Variants in WNT7B observed in about 807,000 individuals in gnomAD.
WNT7B encodes Wnt family member 7B.
Under a neutral mutation model 38.2 loss-of-function variants are expected in WNT7B, and 19 were observed. That is an observed-to-expected ratio of 0.50 (90% confidence interval 0.35 to 0.73). The LOEUF (loss-of-function observed/expected upper bound fraction) is 0.73, where lower values mean the gene tolerates loss of function less well. Ranked by LOEUF, WNT7B falls within the 30% of genes least tolerant of loss-of-function variation. WNT7B has a pLI of 0.01. For synonymous variants in WNT7B, 243 were observed against 209.3 expected (o/e 1.16, Z -1.39); for missense variants, 423 against 507.9 (o/e 0.83, Z 1.61).
At chr22:45,948,148 G>A (rs931235452) in intron 2 of WNT7B, among the ~76,000 whole-genome samples, 7 of 152,200 alleles carry the variant, frequency 4.6e-5, no homozygotes, top group African/African-American at 1.2e-4. Context: ...ACAACTCCCC[G>A]GGGGCTCGGC....
chr22:45,929,540 C>A (rs577250284), intron 3 of WNT7B, among the ~76,000 whole-genome samples: 2 of 145,470 alleles, frequency 1.4e-5, no homozygotes, highest in South Asian at 4.5e-4. Flanking sequence ...ACCCACTCAT[C>A]CTTCCAACCA....
At chr22:45,931,695 G>A (rs1931366344) in intron 2 of WNT7B, among the ~76,000 whole-genome samples, 1 of 152,204 alleles carries the variant, frequency 6.6e-6, no homozygotes, top group African/African-American at 2.4e-5. Flanking sequence ...CCAAGACTGG[G>A]CAGGAGAGGC....
intron 1 of WNT7B, among the ~76,000 whole-genome samples, chr22:45,954,108 G>A (rs1472245733): frequency 1.3e-5 from 2 of 152,252 alleles, no homozygotes; most frequent in South Asian, 2.1e-4. Context: ...GTCATGCCAC[G>A]GCATGGAGGA....
chr22:45,941,877 G>C (rs1254471129), intron 2 of WNT7B, among the ~76,000 whole-genome samples: 1 of 152,194 alleles, frequency 6.6e-6, no homozygotes, highest in Non-Finnish European at 1.5e-5. Context: ...CTTTAGCAGG[G>C]GAGCTTTTGT....
At chr22:45,927,675 C>A in intron 3 of WNT7B, 1 of 715,414 alleles carries the variant, frequency 1.4e-6, no homozygotes, top group South Asian at 1.5e-5. Flanking sequence ...GCGGGCAGAT[C>A]ACCTGAGGTT....
At chr22:45,934,268 C>T (rs1466740195) in intron 2 of WNT7B, among the ~76,000 whole-genome samples, 2 of 152,134 alleles carry the variant, frequency 1.3e-5, no homozygotes, top group Non-Finnish European at 2.9e-5. Context: ...AGCTTGGCCT[C>T]TCTGAGGCTA....
At chr22:45,930,580 C>A (rs143460224) in intron 3 of WNT7B, among the ~76,000 whole-genome samples, 3 of 152,350 alleles carry the variant, frequency 2.0e-5, no homozygotes, top group African/African-American at 7.2e-5. Flanking sequence ...CACCACACTC[C>A]GTCCCGCCCC....
intron 1 of WNT7B, among the ~76,000 whole-genome samples, chr22:45,953,277 T>G (rs1389266888): frequency 2.8e-5 from 4 of 144,754 alleles, no homozygotes; most frequent in Admixed American, 2.8e-4. Flanking sequence ...ACAGTCACCG[T>G]GTCCTCGGCT....
chr22:45,941,025 G>A (rs1237587966), intron 2 of WNT7B, among the ~76,000 whole-genome samples: 3 of 152,216 alleles, frequency 2.0e-5, no homozygotes, highest in Admixed American at 2.0e-4. Flanking sequence ...GGAAGCCCCT[G>A]GAAGGTGTCA....
Position 45,931,332 on chromosome 22 carries a change from C to T in WNT7B, c.336G>A (p.Ala112=), listed in dbSNP as rs1931350348. Residue 112 remains alanine, a synonymous_variant, in exon 3 of 4, where the codon GCG becomes GCA. Coordinates refer to ENST00000339464, the MANE Select transcript of WNT7B (RefSeq NM_058238.3). The part of the protein sequence containing the change: ...REAAFTYAIT[A]AGVAHAVTAA... ...CGGTGACGGCGTGCGCCACGCCAGCCGCGGTGATGGCGTACGTGAAGGCAG... is the reference window on the plus strand; with the variant it reads ...CGGTGACGGCGTGCGCCACGCCAGCTGCGGTGATGGCGTACGTGAAGGCAG... The T allele has an allele frequency of 5.0e-6, 8 of 1,596,018 alleles. No individual in the cohort carries two copies. Among genetic ancestry groups the T allele is most frequent in the East Asian group, 2.2e-5 (1 of 44,776 alleles).
At chr22:45,953,058 T>A (rs1889413938) in intron 1 of WNT7B, among the ~76,000 whole-genome samples, 1 of 152,218 alleles carries the variant, frequency 6.6e-6, no homozygotes, top group South Asian at 2.1e-4. Flanking sequence ...TCCCTGGCAC[T>A]GAGGGGGAGC....
chr22:45,952,210 G>A (rs1297082228), intron 1 of WNT7B, among the ~76,000 whole-genome samples: 1 of 152,196 alleles, frequency 6.6e-6, no homozygotes, highest in African/African-American at 2.4e-5. Context: ...TCTACCTACT[G>A]CCCGCCCGCC....
intron 3 of WNT7B, among the ~76,000 whole-genome samples, chr22:45,930,857 G>A (rs996623607): frequency 1.3e-5 from 2 of 152,172 alleles, no homozygotes; most frequent in South Asian, 2.1e-4. Context: ...TCTTCCCTGG[G>A]GGCCGTGAGC....
In WNT7B at chr22:45,965,772, C is replaced by T. The variant is rs1347961572; in HGVS notation, c.71+10912G>A. Among the ~76,000 whole-genome samples, 28 of 152,210 alleles carry T rather than the reference C, an allele frequency of 1.8e-4. No homozygotes were observed. Among genetic ancestry groups the T allele is most frequent in the Admixed American group, 1.8e-3 (28 of 15,290 alleles). The stretch of plus-strand genomic sequence containing the variant: ...GTCCCAAAGCTAAACTTGGAGGCAG[C>T]CCCTGCAACCTTGAGACCCTCGCTC... On this transcript the variant is annotated intron_variant, in intron 1 of 3. Coordinates refer to ENST00000339464, the MANE Select transcript of WNT7B (RefSeq NM_058238.3). This position sits in a 1 kb window ranked among gnomAD's most constrained non-coding sequence, Gnocchi z 6.5.
intron 2 of WNT7B, among the ~76,000 whole-genome samples, chr22:45,931,710 T>C (rs907791977): frequency 6.6e-6 from 1 of 152,094 alleles, no homozygotes; most frequent in Admixed American, 6.5e-5. Flanking sequence ...AGAGGCCCAG[T>C]TTCTCCAGCC....
rs917140785 is a variant in WNT7B at position 45,976,361 on chromosome 22, C to T, written c.71+323G>A. 6.6e-6 allele frequency among the ~76,000 whole-genome samples: 1 copy of T among 150,932 alleles called. No homozygotes were observed. The highest frequency in any genetic ancestry group is 2.4e-5 in the African/African-American group (1 of 41,194). On this transcript the variant is annotated intron_variant, in intron 1 of 3. Transcript: ENST00000339464. The surrounding 1 kb of genome is among the most constrained non-coding windows in gnomAD (Gnocchi z 8.5). ...CCAGCGCAGCCCGGGGGAGGGAAGG[C>T]GCGTCCCACCCCCGGGGCCTGGAGC...
rs367577995 is a variant in WNT7B, at chr22:45,960,443, C to T, written c.72-10297G>A. On this transcript the variant is annotated intron_variant, in intron 1 of 3. Transcript: ENST00000339464. ...TTGCCCAGCACCTGGCCAGGCCCTA[C>T]GCTCACCTTGGTCATGAGCCACCCC... Among the ~76,000 whole-genome samples the T allele has an allele frequency of 1.6e-4, 24 of 148,934 alleles. No individual in the cohort carries two copies. The East Asian group carries it at 3.1e-3, about 19-fold the overall frequency.
chr22:45,945,843 G>T (rs778699531), intron 2 of WNT7B, among the ~76,000 whole-genome samples: 1 of 152,216 alleles, frequency 6.6e-6, no homozygotes, highest in Non-Finnish European at 1.5e-5. Context: ...CGCAGAGCTC[G>T]CCCCCAAAGC....
chr22:45,929,943 T>TCCATCCATCCACTCATACATCTACCCAC (rs1555907409), intron 3 of WNT7B, among the ~76,000 whole-genome samples: 75 of 94,370 alleles, frequency 7.9e-4, no homozygotes, highest in Non-Finnish European at 1.5e-3. Context: ...CACTCATCCT[T>TCCATCCATCCACTCATACATCTACCCAC]CCATCCATCC....
Sources: allele counts gnomAD v4.1 joint callset (sites outside exome capture counted in the v4.1 genomes callset), GRCh38; gene constraint gnomAD v4.1.1; non-coding constraint Gnocchi (gnomAD v3.1); transcripts MANE v1.5; gene names NCBI Gene and HGNC (gene_info 2026-07-23, HGNC 2026-07-21).